CAMK1: variants seen among roughly 807,000 people sequenced by gnomAD.
CAMK1 encodes calcium/calmodulin-dependent protein kinase type 1.
CAMK1 carries 39 observed loss-of-function variants against 49.1 expected under a neutral mutation model. The ratio of observed to expected loss-of-function variants is 0.79; its 90% CI spans 0.62 to 1.04. The LOEUF is 1.04. Among genes scored for constraint, CAMK1 ranks in the 50% least tolerant of loss-of-function variants. The pLI is 0.00. For synonymous variants in CAMK1, 192 were observed against 185.2 expected (o/e 1.04, Z -0.30); for missense variants, 457 against 472.2 (o/e 0.97, Z 0.30).
intron 8 of CAMK1, chr3:9,759,953 A>G: frequency 1.4e-6 from 1 of 705,918 alleles, no homozygotes; most frequent in Non-Finnish European, 2.3e-6. Flanking sequence ...CTCTTAAGAA[A>G]AACATATGGC....
At chr3:9,766,093 A>G (rs2125594280) in intron 2 of CAMK1, 4 of 1,495,654 alleles carry the variant, frequency 2.7e-6, no homozygotes, top group Non-Finnish European at 3.7e-6. Flanking sequence ...CCCTGGCCAC[A>G]GTAATTGGTC....
chr3:9,761,757 G>T lies in CAMK1; in HGVS notation c.430C>A (p.Pro144Thr), dbSNP rs1433477390. The T allele has an allele frequency of 6.2e-7, 1 of 1,614,024 alleles. No individual in the cohort carries two copies. The highest frequency in any genetic ancestry group is 2.2e-5 in the East Asian group (1 of 44,878). Residue 144 changes from proline (P) to threonine (T), a missense_variant and splice_region_variant, in exon 6 of 12, where the codon CCA becomes ACA. By Grantham distance (38) the Pro-to-Thr change is conservative. Transcript: ENST00000256460. ...AGGCTGTAGTACAGCAGATTCTCTG[G>T]CTTGAAGGGCAGGAGGGAAGAGAAG... Reference protein sequence around the residue: ...DLGIVHRDLKPENLLYYSLDE... With the variant: ...DLGIVHRDLKTENLLYYSLDE...
At chr3:9,758,094 TAA>T in intron 10 of CAMK1, 1 of 473,028 alleles carries the variant, frequency 2.1e-6, no homozygotes, top group Non-Finnish European at 3.6e-6. Context: ...TAATTCATAT[TAA>T]TATGTAATAG....
chr3:9,767,468 C>G (rs1328611469), intron 2 of CAMK1, among the ~76,000 whole-genome samples, 199 bp downstream of exon 2: 1 of 152,224 alleles, frequency 6.6e-6, no homozygotes, highest in Non-Finnish European at 1.5e-5. Flanking sequence ...TCTTCAAGAA[C>G]CCAGGGCTAT....
At chr3:9,766,604 T>C in intron 2 of CAMK1, 1 of 1,039,480 alleles carries the variant, frequency 9.6e-7, no homozygotes, top group South Asian at 2.4e-5. Context: ...GAAGCAGTGT[T>C]TTAGAACAGG....
At position 9,762,895 on chromosome 3, in the gene CAMK1, A is replaced by G. The variant is rs375779772; in HGVS notation, c.429+19T>C. The G allele has an allele frequency of 6.2e-7, 1 of 1,613,340 alleles. No individual in the cohort carries two copies. The highest frequency in any genetic ancestry group is 8.5e-7 in the Non-Finnish European group (1 of 1,179,684). ...CCACCCCTGGGTACCCTAGCTCACC[A>G]CACCCCCTTGAGCCCCACCTTGAGA... On this transcript the variant is annotated intron_variant, in intron 5 of 11. Coordinates refer to ENST00000256460, the MANE Select transcript of CAMK1 (RefSeq NM_003656.5).
chr3:9,761,592 C>G, intron 6 of CAMK1, 39 bp downstream of exon 6: 1 of 1,613,418 alleles, frequency 6.2e-7, no homozygotes, highest in Non-Finnish European at 8.5e-7. Context: ...ACTCCTGGTT[C>G]CCCCCACCAT....
chr3:9,757,385 A>C lies in CAMK1; in HGVS notation c.*154T>G. 1 of 1,612,978 alleles carries C rather than the reference A, an allele frequency of 6.2e-7. No homozygotes were observed. Among genetic ancestry groups the C allele is most frequent in the South Asian group, 1.1e-5 (1 of 90,984 alleles). ...CCTTTATTACAAGAAGGAACAATAA[A>C]ATAGAAACATTTGTATGGAAAATGC... On this transcript the variant is annotated 3_prime_UTR_variant, in exon 12 of 12. Coordinates refer to ENST00000256460, the MANE Select transcript of CAMK1 (RefSeq NM_003656.5). The surrounding 1 kb of genome is among the most constrained non-coding windows in gnomAD (Gnocchi z 4.5).
At chr3:9,761,912 A>C (rs2077896087) in intron 5 of CAMK1, 155 bp from the exon 6 acceptor site, 12 of 1,203,904 alleles carry the variant, frequency 1.0e-5, no homozygotes, top group Middle Eastern at 2.9e-4. Flanking sequence ...GCTCTCAAGA[A>C]GGCCAAAAAT....
At chr3:9,766,544 C>A in intron 2 of CAMK1, 1 of 555,732 alleles carries the variant, frequency 1.8e-6, no homozygotes, top group Non-Finnish European at 2.7e-6. Context: ...CTAAATCAAT[C>A]TGCAGTTTAA....
At chr3:9,761,835 C>A (rs1355599052) in intron 5 of CAMK1, 78 bp from the exon 6 acceptor site, 1 of 1,556,872 alleles carries the variant, frequency 6.4e-7, no homozygotes, top group African/African-American at 1.4e-5. Flanking sequence ...CTCCAAGCAC[C>A]TTCTGAGAAA....
At chr3:9,762,775 A>T in intron 5 of CAMK1, 139 bp downstream of exon 5, 1 of 768,098 alleles carries the variant, frequency 1.3e-6, no homozygotes, top group Non-Finnish European at 2.2e-6. Context: ...GAGGCAGTTT[A>T]AAGGTTACAA....
At chr3:9,764,716 T>C (rs2125589941) in intron 3 of CAMK1, among the ~76,000 whole-genome samples, 1 of 135,978 alleles carries the variant, frequency 7.4e-6, no homozygotes, top group Middle Eastern at 4.4e-3. Context: ...CACCGCAACC[T>C]CCACCTCTCG....
chr3:9,758,973 C>G (rs1285704661), intron 10 of CAMK1: 1 of 556,380 alleles, frequency 1.8e-6, no homozygotes, highest in Non-Finnish European at 3.2e-6. Flanking sequence ...TAAGATTCTT[C>G]TGGGGCTCCT....
At position 9,759,533 on chromosome 3, in the gene CAMK1, C is replaced by G; in HGVS notation, c.867G>C (p.Ser289=). 1.2e-6 allele frequency: 2 copies of G among 1,614,124 alleles called. No homozygotes were observed. Among genetic ancestry groups the G allele is most frequent in the South Asian group, 1.1e-5 (1 of 91,070 alleles). The stretch of plus-strand genomic sequence containing the variant: ...AGTTCTTCTTGATCTGCTCACTCAC[C>G]GACTGGTGGATATTCTTATCTAGAG... ...DTALDKNIHQ[S]VSEQIKKNFA... is the part of the protein sequence containing the mutation. Residue 289 remains serine (S), a synonymous_variant, in exon 10 of 12, where the codon TCG becomes TCC. Transcript: ENST00000256460.
chr3:9,768,360 C>T lies in CAMK1; in HGVS notation c.-32-579G>A, dbSNP rs186154530. On this transcript the variant is annotated intron_variant, in intron 1 of 11. Coordinates refer to ENST00000256460, the MANE Select transcript of CAMK1 (RefSeq NM_003656.5). ...GCTGGAGCTCCCCAGACCTCTCCCT[C>T]CTGACTCCCCATCTGGGTCCCGGGA... Among the ~76,000 whole-genome samples, 220 of 152,354 alleles carry T rather than the reference C, an allele frequency of 1.4e-3. 2 individuals carry two copies. The highest frequency in any genetic ancestry group is 5.0e-3 in the African/African-American group (208 of 41,588).
chr3:9,759,359 CT>C, intron 10 of CAMK1, 128 bp downstream of exon 10: 1 of 1,542,386 alleles, frequency 6.5e-7, no homozygotes, highest in East Asian at 2.2e-5. Flanking sequence ...GAATGAAGTC[CT>C]TCAGTAAGGA....
rs983610198 is a variant in CAMK1, at chr3:9,757,463, C to T, written c.*76G>A. 10 of 1,601,742 alleles carry T rather than the reference C, an allele frequency of 6.2e-6. No individual in the cohort carries two copies. Among genetic ancestry groups the T allele is most frequent in the East Asian group, 2.2e-5 (1 of 44,642 alleles). On this transcript the variant is annotated 3_prime_UTR_variant, in exon 12 of 12. Transcript: ENST00000256460. This position sits in a 1 kb window ranked among gnomAD's most constrained non-coding sequence, Gnocchi z 4.5. ...GGAGGGGACAGGGCAGAGAAACTCC[C>T]GGTTCAGGGAGGGAAGGGGAGCAGG...
At chr3:9,759,790 G>C in intron 8 of CAMK1, 40 bp from the exon 9 acceptor site, 1 of 1,614,006 alleles carries the variant, frequency 6.2e-7, no homozygotes, top group Non-Finnish European at 8.5e-7. Context: ...TGACAGCATG[G>C]TACTGCCTGT....
Sources: allele counts gnomAD v4.1 joint callset (sites outside exome capture counted in the v4.1 genomes callset), GRCh38; gene constraint gnomAD v4.1.1; non-coding constraint Gnocchi (gnomAD v3.1); transcripts MANE v1.5; gene names NCBI Gene and HGNC (gene_info 2026-07-23, HGNC 2026-07-21).